The following NEK1 variants were observed in gnomAD, a reference collection of about 807,000 sequenced individuals.
NEK1 encodes serine/threonine-protein kinase Nek1.
A neutral mutation model predicts 182.1 loss-of-function variants in NEK1; 137 were observed. The ratio of observed to expected loss-of-function variants is 0.75; its 90% confidence interval spans 0.65 to 0.87. The LOEUF is 0.87. Among genes scored for constraint, NEK1 ranks in the 40% least tolerant of loss-of-function variants. NEK1 has a pLI of 0.00. For synonymous variants in NEK1, 513 were observed against 492.2 expected, an observed-to-expected ratio of 1.04 and a Z score of -0.56; for missense variants, 1,391 against 1,494.4, an observed-to-expected ratio of 0.93 and a Z score of 1.14.
chr4:169,581,472 T>TG (rs1309898439), intron 10 of NEK1, among the ~76,000 whole-genome samples: 1 of 152,070 alleles, frequency 6.6e-6, no homozygotes, highest in Non-Finnish European at 1.5e-5. Flanking sequence ...TTTATGGAGA[T>TG]GGGGGTCTCC....
At chr4:169,500,492 C>G (rs144585893) in intron 23 of NEK1, among the ~76,000 whole-genome samples, 8 of 152,338 alleles carry the variant, frequency 5.3e-5, no homozygotes, top group African/African-American at 1.7e-4. Context: ...CTGTGTTGCT[C>G]AAGCTGGGAG....
intron 32 of NEK1, among the ~76,000 whole-genome samples, chr4:169,405,190 T>C (rs1185251548): frequency 6.6e-6 from 1 of 152,226 alleles, no homozygotes; most frequent in Non-Finnish European, 1.5e-5. Context: ...TAGAATGTGC[T>C]TACACAAACC....
chr4:169,512,760 G>A (rs1475892415), intron 19 of NEK1, among the ~76,000 whole-genome samples: 1 of 151,984 alleles, frequency 6.6e-6, no homozygotes, highest in Non-Finnish European at 1.5e-5. Flanking sequence ...GATCTGTTTT[G>A]AGGTAATTAT....
At chr4:169,556,128 A>G in intron 16 of NEK1, 33 bp from the exon 17 acceptor site, 1 of 1,592,746 alleles carries the variant, frequency 6.3e-7, no homozygotes, top group Non-Finnish European at 8.5e-7. Flanking sequence ...TCACATGTTT[A>G]TCTTATAAGG....
At chr4:169,438,909 G>C (rs1738907124) in intron 27 of NEK1, among the ~76,000 whole-genome samples, 1 of 152,136 alleles carries the variant, frequency 6.6e-6, no homozygotes, top group African/African-American at 2.4e-5. Context: ...ATATCTTAGA[G>C]AACTTGTCAT....
intron 16 of NEK1, among the ~76,000 whole-genome samples, chr4:169,561,237 TATC>T (rs1762853707): frequency 6.6e-6 from 1 of 152,180 alleles, no homozygotes. Flanking sequence ...GGAATAATGT[TATC>T]ATAGTCTTCA....
At chr4:169,512,621 G>A (rs1754377037) in intron 19 of NEK1, among the ~76,000 whole-genome samples, 2 of 151,942 alleles carry the variant, frequency 1.3e-5, no homozygotes, top group Admixed American at 1.3e-4. Context: ...GACAAAGCCT[G>A]CTCTATCAGC....
intron 29 of NEK1, among the ~76,000 whole-genome samples, chr4:169,432,909 G>A (rs1737700259): frequency 6.6e-6 from 1 of 152,132 alleles, no homozygotes; most frequent in Non-Finnish European, 1.5e-5. Flanking sequence ...GAGTACCTGG[G>A]ATTATAGGCA....
intron 23 of NEK1, 71 bp downstream of exon 23, chr4:169,506,966 T>G (rs1180654621): frequency 1.4e-5 from 13 of 948,738 alleles, no homozygotes; most frequent in Non-Finnish European, 2.0e-5. Context: ...ATTATAATAC[T>G]GATGTACTAC....
intron 19 of NEK1, among the ~76,000 whole-genome samples, chr4:169,529,403 TTA>T (rs1411274086): frequency 1.3e-5 from 2 of 152,190 alleles, no homozygotes; most frequent in Non-Finnish European, 2.9e-5. Context: ...ACATTTTATG[TTA>T]TGTGTATTTT....
chr4:169,611,754 A>T (rs1347625886), intron 2 of NEK1, among the ~76,000 whole-genome samples: 1 of 152,244 alleles, frequency 6.6e-6, no homozygotes, highest in African/African-American at 2.4e-5. Context: ...AACATAAGCA[A>T]TGCAAATGCT....
intron 12 of NEK1, among the ~76,000 whole-genome samples, chr4:169,568,850 T>C (rs1764146403): frequency 6.6e-6 from 1 of 151,442 alleles, no homozygotes; most frequent in South Asian, 2.1e-4. Flanking sequence ...GGCAGGAGAA[T>C]TGCCTGAACC....
intron 23 of NEK1, among the ~76,000 whole-genome samples, chr4:169,502,992 C>T (rs1403255348): frequency 6.6e-6 from 1 of 152,070 alleles, no homozygotes; most frequent in African/African-American, 2.4e-5. Context: ...AACAATTCCA[C>T]CATGACTCCT....
intron 35 of NEK1, among the ~76,000 whole-genome samples, chr4:169,395,859 G>A (rs747857267): frequency 1.5e-4 from 23 of 151,792 alleles, no homozygotes; most frequent in African/African-American, 5.1e-4. Flanking sequence ...TTTTTATTAC[G>A]TACATGCACA....
At chr4:169,508,951 T>C in intron 19 of NEK1, 99 bp from the exon 20 acceptor site, 3 of 916,474 alleles carry the variant, frequency 3.3e-6, no homozygotes, top group Non-Finnish European at 3.3e-6. Context: ...TTTTGGCAAA[T>C]ACTGACCATT....
At chr4:169,552,327 A>G (rs1253863789) in intron 18 of NEK1, among the ~76,000 whole-genome samples, 1 of 152,010 alleles carries the variant, frequency 6.6e-6, no homozygotes, top group African/African-American at 2.4e-5. Context: ...TCAATAAGCT[A>G]AAGAAGAAAA....
At chr4:169,431,984 A>G (rs1737533388) in intron 29 of NEK1, among the ~76,000 whole-genome samples, 1 of 151,922 alleles carries the variant, frequency 6.6e-6, no homozygotes, top group Non-Finnish European at 1.5e-5. Context: ...AAATAGTTGC[A>G]ATTCATGTAA....
chr4:169,560,321 T>C (rs1762722654), intron 16 of NEK1, among the ~76,000 whole-genome samples: 1 of 152,176 alleles, frequency 6.6e-6, no homozygotes, highest in African/African-American at 2.4e-5. Flanking sequence ...CACAATTTTC[T>C]TGCTAGTTGC....
intron 32 of NEK1, among the ~76,000 whole-genome samples, chr4:169,402,442 G>T (rs771565104): frequency 9.9e-5 from 15 of 152,120 alleles, no homozygotes; most frequent in Non-Finnish European, 1.2e-4. Flanking sequence ...CTTATCTTTA[G>T]ATGCTTATTC....
Sources: gnomAD v4.1 joint callset for allele counts (sites outside exome capture counted in the v4.1 genomes callset) on GRCh38, gnomAD v4.1.1 for gene constraint, MANE v1.5 for transcripts, NCBI Gene and HGNC (gene_info 2026-07-23, HGNC 2026-07-21) for gene names.